MTR: variants seen among roughly 807,000 people sequenced by gnomAD.
MTR encodes methionine synthase.
Under a neutral mutation model 154.8 loss-of-function variants are expected in MTR, and 84 were observed. That is an observed-to-expected ratio of 0.54 (90% CI 0.45 to 0.65). The LOEUF (loss-of-function observed/expected upper bound fraction) is 0.65. MTR is among the 30% of genes least tolerant of loss of function. The pLI is 0.00. For missense variants in MTR, 1,275 were observed against 1,570.2 expected (o/e 0.81, Z 3.18); for synonymous variants, 554 against 553.9 (o/e 1.00, Z 0.00).
intron 22 of MTR, among the ~76,000 whole-genome samples, chr1:236,867,488 T>C (rs4659734): frequency 0.13 from 19,571 of 152,252 alleles, 1,606 homozygotes; most frequent in South Asian, 0.19. Context: ...ATTGTTTTCA[T>C]GCCTGCTAAC....
Position 236,830,533 on chromosome 1 carries a change from A to G in MTR, c.1075+1265A>G, listed in dbSNP as rs190308653. Among the ~76,000 whole-genome samples the G allele has an allele frequency of 1.9e-3, 282 of 152,384 alleles. 1 individual carries two copies. Among genetic ancestry groups the G allele is most frequent in the African/African-American group, 5.2e-3 (215 of 41,598 alleles). On this transcript the variant is annotated intron_variant, in intron 12 of 32. Transcript: ENST00000366577. Reference sequence around the variant, plus strand: ...ATCAGATTTTAAAAGAGTGACATCAAATGTGCTGTTTAAAATTGTTCTTTT... The same window carrying G: ...ATCAGATTTTAAAAGAGTGACATCAGATGTGCTGTTTAAAATTGTTCTTTT...
intron 22 of MTR, among the ~76,000 whole-genome samples, chr1:236,871,178 C>T (rs567129617): frequency 2.6e-5 from 4 of 152,290 alleles, no homozygotes; most frequent in Non-Finnish European, 4.4e-5. Flanking sequence ...GGAAGCTTCC[C>T]GGACCCCACC....
At chr1:236,817,455 A>G (rs891582388) in intron 8 of MTR, among the ~76,000 whole-genome samples, 2 of 152,214 alleles carry the variant, frequency 1.3e-5, no homozygotes, top group Non-Finnish European at 2.9e-5. Flanking sequence ...TTTGCCATAA[A>G]AAGTAAGAGT....
chr1:236,821,142 C>G (rs983114950), intron 8 of MTR, among the ~76,000 whole-genome samples: 6 of 152,206 alleles, frequency 3.9e-5, no homozygotes, highest in Non-Finnish European at 7.3e-5. Flanking sequence ...CGGGGAACTT[C>G]AAGATTGAGT....
intron 22 of MTR, among the ~76,000 whole-genome samples, chr1:236,869,809 T>G (rs1665024744): frequency 6.6e-6 from 1 of 152,184 alleles, no homozygotes; most frequent in South Asian, 2.1e-4. Context: ...CTGGGATTCC[T>G]AGCTAGTTCA....
intron 24 of MTR, among the ~76,000 whole-genome samples, chr1:236,876,055 T>C (rs895928062): frequency 1.3e-5 from 2 of 152,148 alleles, no homozygotes; most frequent in South Asian, 2.1e-4. Flanking sequence ...CCCACCAACA[T>C]AGTGGAGGAT....
At chr1:236,814,354 C>T (rs181901531) in intron 6 of MTR, among the ~76,000 whole-genome samples, 97 of 152,124 alleles carry the variant, frequency 6.4e-4, no homozygotes, top group African/African-American at 2.2e-3. Flanking sequence ...GAGAGAGTCA[C>T]GGTATTGTTC....
At chr1:236,893,095 C>G (rs3820570) in intron 29 of MTR, among the ~76,000 whole-genome samples, 6,382 of 152,120 alleles carry the variant, frequency 0.042, 430 homozygotes, top group East Asian at 0.23. Flanking sequence ...GCTGTCTCTT[C>G]GAAGGTACCA....
chr1:236,795,540 G>A lies in MTR; in HGVS notation c.-164G>A. The A allele has an allele frequency of 6.5e-7, 1 of 1,534,184 alleles. No individual in the cohort carries two copies. Among genetic ancestry groups the A allele is most frequent in the Non-Finnish European group, 8.7e-7 (1 of 1,144,776 alleles). Reference sequence around the variant, plus strand: ...CCCTAGGGCGCTGCGGGCTTTCGGGGTCCGCAGTCCCCCCGCGACGCGAGC... The same window carrying A: ...CCCTAGGGCGCTGCGGGCTTTCGGGATCCGCAGTCCCCCCGCGACGCGAGC... On this transcript the variant is annotated 5_prime_UTR_variant, in exon 1 of 33. Coordinates refer to ENST00000366577, the MANE Select transcript of MTR (RefSeq NM_000254.3).
chr1:236,855,167 A>AT (rs894732350), intron 18 of MTR, among the ~76,000 whole-genome samples: 3 of 152,106 alleles, frequency 2.0e-5, no homozygotes, highest in Non-Finnish European at 4.4e-5. Flanking sequence ...GAGTCAAGGG[A>AT]TTTTTTATCT....
At chr1:236,820,156 T>G (rs1661843532) in intron 8 of MTR, 1 of 764,026 alleles carries the variant, frequency 1.3e-6, no homozygotes, top group South Asian at 1.3e-5. Flanking sequence ...GGGTTTGATG[T>G]GGTGGATGCT....
At position 236,795,684 on chromosome 1, in the gene MTR, CAAG is replaced by C; in HGVS notation, c.-19_-17del. 6.2e-7 allele frequency: 1 copy of C among 1,614,026 alleles called. No individual in the cohort carries two copies. The highest frequency in any genetic ancestry group is 1.1e-5 in the South Asian group (1 of 91,092). On this transcript the variant is annotated 5_prime_UTR_variant, in exon 1 of 33. Coordinates refer to ENST00000366577, the MANE Select transcript of MTR (RefSeq NM_000254.3). ...CGTCTTCTCTGCCGCGCCCTCTGCGCAAGGAGGAGACTCGACAACATGTCACCC... is the reference window on the plus strand; with the variant it reads ...CGTCTTCTCTGCCGCGCCCTCTGCGCGAGGAGACTCGACAACATGTCACCC...
intron 6 of MTR, among the ~76,000 whole-genome samples, chr1:236,813,531 C>T (rs974691584): frequency 1.3e-5 from 2 of 152,204 alleles, no homozygotes; most frequent in African/African-American, 4.8e-5. Flanking sequence ...ACGACACCCT[C>T]ACTAGCACTG....
chr1:236,820,804 C>T (rs750980604), intron 8 of MTR, among the ~76,000 whole-genome samples: 3 of 152,132 alleles, frequency 2.0e-5, no homozygotes, highest in Non-Finnish European at 4.4e-5. Flanking sequence ...CCGCATCCTT[C>T]CCAACATTTG....
intron 21 of MTR, among the ~76,000 whole-genome samples, chr1:236,863,005 A>G (rs1664632419): frequency 6.6e-6 from 1 of 152,198 alleles, no homozygotes; most frequent in South Asian, 2.1e-4. Context: ...AACTGTGCAT[A>G]GAACAACAGT....
chr1:236,803,034 G>T, intron 1 of MTR, among the ~76,000 whole-genome samples: 2 of 152,320 alleles, frequency 1.3e-5, no homozygotes, highest in Admixed American at 1.3e-4. Flanking sequence ...TTAAAGAATA[G>T]TTTGGAATTA....
At chr1:236,796,466 G>C (rs1220336415) in intron 1 of MTR, among the ~76,000 whole-genome samples, 1 of 152,196 alleles carries the variant, frequency 6.6e-6, no homozygotes, top group Non-Finnish European at 1.5e-5. Flanking sequence ...AAACGGGTGA[G>C]GAGATGTAGA....
chr1:236,820,782 G>A (rs1347086227), intron 8 of MTR, among the ~76,000 whole-genome samples: 5 of 152,198 alleles, frequency 3.3e-5, no homozygotes, highest in Non-Finnish European at 7.3e-5. Flanking sequence ...GTGAAGGAGA[G>A]TTCCTGTTGT....
chr1:236,879,575 A>T lies in MTR; in HGVS notation c.2595-1180A>T, dbSNP rs550348026. Among the ~76,000 whole-genome samples the T allele has an allele frequency of 3.9e-5, 6 of 152,276 alleles. No homozygotes were observed. In the South Asian group the frequency reaches 1.2e-3, roughly 32 times the overall value. ...TGCTGGCCACCCTTCTAAAGGTGGG[A>T]TGTGGCCAGAACACAATTCTCCTCC... On this transcript the variant is annotated intron_variant, in intron 24 of 32. Transcript: ENST00000366577.
Sources: allele counts gnomAD v4.1 joint callset (sites outside exome capture counted in the v4.1 genomes callset), GRCh38; gene constraint gnomAD v4.1.1; transcripts MANE v1.5; gene names NCBI Gene and HGNC (gene_info 2026-07-23, HGNC 2026-07-21).